PREX2: variants seen among roughly 807,000 people sequenced by gnomAD.
PREX2 encodes phosphatidylinositol-3,4,5-trisphosphate dependent Rac exchange factor 2, also known as phosphatidylinositol 3,4,5-trisphosphate-dependent Rac exchanger 2 protein.
PREX2 carries 107 observed loss-of-function variants against 203.2 expected under a neutral mutation model. The observed-to-expected ratio is 0.53, with a 90% CI of 0.45 to 0.62. The LOEUF (loss-of-function observed/expected upper bound fraction) is 0.62, where lower values mean the gene tolerates loss of function less well. PREX2 is among the 20% of genes least tolerant of loss of function. PREX2 has a pLI of 0.00. For missense variants in PREX2, 1,777 were observed against 1,955.9 expected, an observed-to-expected ratio of 0.91 and a Z score of 1.72; for synonymous variants, 672 against 663.6, an observed-to-expected ratio of 1.01 and a Z score of -0.19.
At chr8:67,989,324 G>T (rs1178491292) in intron 1 of PREX2, among the ~76,000 whole-genome samples, 1 of 151,860 alleles carries the variant, frequency 6.6e-6, no homozygotes, top group African/African-American at 2.4e-5. Context: ...CCTAAATTTT[G>T]CTTAAGAATG....
chr8:68,140,448 CTTA>C (rs371089086), intron 33 of PREX2, among the ~76,000 whole-genome samples: 4 of 152,180 alleles, frequency 2.6e-5, no homozygotes, highest in African/African-American at 7.2e-5. Context: ...GTCATCACAT[CTTA>C]TTTAAGTGGT....
chr8:67,954,570 A>G (rs1452627946), intron 1 of PREX2, among the ~76,000 whole-genome samples: 1 of 152,198 alleles, frequency 6.6e-6, no homozygotes, highest in Non-Finnish European at 1.5e-5. Flanking sequence ...ATCCTAAGGG[A>G]ATGATCAGAG....
chr8:68,067,600 C>T (rs1474538880), intron 11 of PREX2, among the ~76,000 whole-genome samples: 1 of 151,838 alleles, frequency 6.6e-6, no homozygotes, highest in Non-Finnish European at 1.5e-5. Context: ...TTGTATCCTG[C>T]AAGTTTACTG....
chr8:68,150,288 A>G lies in PREX2; in HGVS notation c.4231+3936A>G, dbSNP rs145199107. On this transcript the variant is annotated intron_variant, in intron 34 of 39. Transcript: ENST00000288368. ...GGGGAGGGGATAATTTAGGAGAGAAAAATTAAAAGGATTCGCTATAGCCCT... is the reference window on the plus strand; with the variant it reads ...GGGGAGGGGATAATTTAGGAGAGAAGAATTAAAAGGATTCGCTATAGCCCT... Among the ~76,000 whole-genome samples, 24 of 152,184 alleles carry G rather than the reference A, an allele frequency of 1.6e-4. No homozygotes were observed. The East Asian group carries it at 3.9e-3, about 25-fold the overall frequency.
intron 31 of PREX2, among the ~76,000 whole-genome samples, chr8:68,133,196 C>A (rs1403570130): frequency 6.6e-6 from 1 of 152,208 alleles, no homozygotes; most frequent in Admixed American, 6.5e-5. Flanking sequence ...ATGTATAAAA[C>A]CATCAGATCT....
intron 9 of PREX2, among the ~76,000 whole-genome samples, chr8:68,055,018 G>A (rs1229562062): frequency 6.6e-6 from 1 of 152,104 alleles, no homozygotes; most frequent in Non-Finnish European, 1.5e-5. Context: ...ACCCTTATTT[G>A]CAGTGAGTTG....
In PREX2 at chr8:68,079,472, C is replaced by A. The variant is rs1809447806; in HGVS notation, c.1643-971C>A. Among the ~76,000 whole-genome samples the A allele has an allele frequency of 2.6e-5, 4 of 152,248 alleles. No individual in the cohort carries two copies. The South Asian group carries it at 8.3e-4, about 32-fold the overall frequency. On this transcript the variant is annotated intron_variant, in intron 15 of 39. Transcript: ENST00000288368. ...TGCCCCCACTTTACAGATGAGGAAA[C>A]TGAAACTCAGAGGGATTAAGTAACT...
At position 68,090,607 on chromosome 8, in the gene PREX2, C is replaced by T. The variant is rs770391747; in HGVS notation, c.2142C>T (p.His714=). Residue 714 remains histidine, a synonymous_variant, in exon 20 of 40, where the codon CAC becomes CAT. Coordinates refer to ENST00000288368, the MANE Select transcript of PREX2 (RefSeq NM_024870.4). ...RGTVAAAAGL[H]PGQCIIKVNG... Reference sequence around the variant, plus strand: ...CTGTGGCTGCAGCAGCTGGTCTTCACCCTGGACAGTGCATTATCAAGGTGA... The same window carrying T: ...CTGTGGCTGCAGCAGCTGGTCTTCATCCTGGACAGTGCATTATCAAGGTGA... The T allele has an allele frequency of 2.5e-6, 4 of 1,613,462 alleles. No individual in the cohort carries two copies. In the South Asian group the frequency reaches 3.3e-5, roughly 13 times the overall value.
intron 5 of PREX2, among the ~76,000 whole-genome samples, chr8:68,028,827 A>C (rs944840865): frequency 2.0e-5 from 3 of 151,994 alleles, no homozygotes; most frequent in African/African-American, 7.2e-5. Context: ...GGTTATTCTA[A>C]ATTACTCATT....
intron 37 of PREX2, among the ~76,000 whole-genome samples, chr8:68,207,811 C>T (rs1452048127): frequency 6.6e-6 from 1 of 152,082 alleles, no homozygotes; most frequent in Non-Finnish European, 1.5e-5. Context: ...AATTCTCTCT[C>T]TTGCCCATGT....
At chr8:68,152,859 G>C (rs1043474649) in intron 34 of PREX2, among the ~76,000 whole-genome samples, 1 of 152,078 alleles carries the variant, frequency 6.6e-6, no homozygotes, top group Admixed American at 6.5e-5. Flanking sequence ...CTGTTTTTAT[G>C]GATCTCCACA....
chr8:68,177,955 C>T (rs1306405133), intron 35 of PREX2, among the ~76,000 whole-genome samples: 1 of 152,204 alleles, frequency 6.6e-6, no homozygotes, highest in Non-Finnish European at 1.5e-5. Context: ...CATGTCCCTG[C>T]AAAGGACATG....
At chr8:68,042,135 T>TA (rs1808218484) in intron 7 of PREX2, among the ~76,000 whole-genome samples, 1 of 152,064 alleles carries the variant, frequency 6.6e-6, no homozygotes, top group Admixed American at 6.6e-5. Context: ...CTTTCTAAGA[T>TA]ATAGAGATCT....
intron 30 of PREX2, among the ~76,000 whole-genome samples, chr8:68,121,737 T>A (rs1810778901): frequency 6.6e-6 from 1 of 152,124 alleles, no homozygotes; most frequent in Non-Finnish European, 1.5e-5. Context: ...TTCCCAGTGA[T>A]TAGAACAGTG....
At chr8:68,090,805 G>T in intron 20 of PREX2, 90 bp downstream of exon 20, 4 of 1,105,512 alleles carry the variant, frequency 3.6e-6, no homozygotes, top group South Asian at 2.0e-5. Flanking sequence ...AGATATTTGT[G>T]GTTTCCAATT....
At position 68,108,293 on chromosome 8, in the gene PREX2, A is replaced by C; in HGVS notation, c.2900A>C (p.His967Pro). Residue 967 changes from histidine (H) to proline (P), a missense_variant, in exon 24 of 40, where the codon CAT becomes CCT. Transcript: ENST00000288368. ...GGTGTTCAGTTGGATAGCAGGAAGC[A>C]TAATTCTCATGATAAAGAAAACAAA... ...AFGVQLDSRK[H>P]NSHDKENKSS... 1 of 1,613,914 alleles carries C rather than the reference A, an allele frequency of 6.2e-7. No individual in the cohort carries two copies. Among genetic ancestry groups the C allele is most frequent in the Non-Finnish European group, 8.5e-7 (1 of 1,179,842 alleles).
At chr8:68,217,773 T>C in intron 38 of PREX2, 55 bp downstream of exon 38, 1 of 1,271,544 alleles carries the variant, frequency 7.9e-7, no homozygotes, top group Non-Finnish European at 1.1e-6. Flanking sequence ...GACTTGAAGA[T>C]TCCTTTGTTC....
intron 19 of PREX2, among the ~76,000 whole-genome samples, chr8:68,088,542 A>C (rs1318047210): frequency 2.0e-5 from 3 of 152,168 alleles, no homozygotes; most frequent in African/African-American, 7.2e-5. Flanking sequence ...ATCACCCAAA[A>C]ATTTGGCAAG....
chr8:68,119,544 TC>T, intron 28 of PREX2, 30 bp downstream of exon 28: 1 of 1,513,694 alleles, frequency 6.6e-7, no homozygotes, highest in Non-Finnish European at 9.2e-7. Flanking sequence ...GGGCTTTTGT[TC>T]CACAACTAAA....
Sources: gnomAD v4.1 joint callset for allele counts (sites outside exome capture counted in the v4.1 genomes callset) on GRCh38, gnomAD v4.1.1 for gene constraint, MANE v1.5 for transcripts, NCBI Gene and HGNC (gene_info 2026-07-23, HGNC 2026-07-21) for gene names.